The following ILRUN variants were observed in gnomAD, a reference collection of about 807,000 sequenced individuals.
ILRUN encodes the protein protein ILRUN.
In ILRUN, 3 loss-of-function variants were observed where a neutral mutation model predicts 33.8. The ratio of observed to expected loss-of-function variants is 0.09; its 90% CI spans 0.04 to 0.23. The LOEUF (loss-of-function observed/expected upper bound fraction) is 0.23. ILRUN is among the 10% of genes least tolerant of loss of function. The pLI, the probability that ILRUN is intolerant of heterozygous loss-of-function variation, is 1.00. For synonymous variants in ILRUN, 124 were observed against 138.9 expected, an observed-to-expected ratio of 0.89 and a Z score of 0.75; for missense variants, 210 against 375.1, an observed-to-expected ratio of 0.56 and a Z score of 3.64.
chr6:34,651,984 G>T (rs778070571), intron 2 of ILRUN, among the ~76,000 whole-genome samples: 8 of 151,794 alleles, frequency 5.3e-5, no homozygotes, highest in Non-Finnish European at 1.2e-4. Context: ...AGTAGACGGG[G>T]TTTTGCCATG....
At chr6:34,614,154 G>A (rs1761818659) in intron 3 of ILRUN, among the ~76,000 whole-genome samples, 1 of 152,070 alleles carries the variant, frequency 6.6e-6, no homozygotes, top group Non-Finnish European at 1.5e-5. Context: ...TGGGTGCGGT[G>A]GCTCACGCCT....
chr6:34,591,451 C>T lies in ILRUN; in HGVS notation c.862-851G>A, dbSNP rs138481820. 7.4e-3 allele frequency among the ~76,000 whole-genome samples: 1,125 copies of T among 152,142 alleles called. 20 individuals carry two copies. The highest frequency in any genetic ancestry group is 0.026 in the African/African-American group (1,059 of 41,500). ...TCGAAGCTGCAATAAGTCCTGATTACGCCACTGCACCACTCCAGGCTGGGC... is the reference window on the plus strand; with the variant it reads ...TCGAAGCTGCAATAAGTCCTGATTATGCCACTGCACCACTCCAGGCTGGGC... On this transcript the variant is annotated intron_variant, in intron 4 of 4. Transcript: ENST00000374023.
chr6:34,690,578 T>C (rs1763625540), intron 1 of ILRUN, among the ~76,000 whole-genome samples: 1 of 152,014 alleles, frequency 6.6e-6, no homozygotes, highest in South Asian at 2.1e-4. Flanking sequence ...TGAATCTTGG[T>C]TTCCCATCAA....
chr6:34,693,332 A>C (rs1258346317), intron 1 of ILRUN, among the ~76,000 whole-genome samples: 1 of 152,212 alleles, frequency 6.6e-6, no homozygotes, highest in Non-Finnish European at 1.5e-5. Context: ...ACTGACTTCC[A>C]ACTTCTCAAT....
At chr6:34,595,892 G>A in intron 4 of ILRUN, 1 of 985,404 alleles carries the variant, frequency 1.0e-6, no homozygotes, top group Non-Finnish European at 1.2e-6. Context: ...CATTTCCTGG[G>A]TCAGTCCTGG....
At chr6:34,688,402 CAAAAA>C (rs10573054) in intron 1 of ILRUN, among the ~76,000 whole-genome samples, 3 of 94,116 alleles carry the variant, frequency 3.2e-5, no homozygotes, top group Non-Finnish European at 4.9e-5. Context: ...GACCCTGTCT[CAAAAA>C]AAAAAAAAAA....
At chr6:34,683,618 A>G (rs1181751079) in intron 1 of ILRUN, among the ~76,000 whole-genome samples, 3 of 150,882 alleles carry the variant, frequency 2.0e-5, no homozygotes, top group Non-Finnish European at 2.9e-5. Flanking sequence ...AGCAGTGGCT[A>G]TATCTGGAAA....
chr6:34,678,309 G>A (rs1169057122), intron 1 of ILRUN, among the ~76,000 whole-genome samples: 3 of 152,100 alleles, frequency 2.0e-5, no homozygotes, highest in African/African-American at 7.2e-5. Flanking sequence ...CCAAAGTGCT[G>A]GGATATCAGG....
intron 3 of ILRUN, among the ~76,000 whole-genome samples, chr6:34,637,873 T>C (rs533177518): frequency 6.1e-4 from 88 of 144,394 alleles, no homozygotes; most frequent in Admixed American, 1.8e-3. Context: ...GCTGTTGTTG[T>C]TGTTGTTGTT....
At chr6:34,688,203 TA>T (rs1763568067) in intron 1 of ILRUN, among the ~76,000 whole-genome samples, 1 of 151,440 alleles carries the variant, frequency 6.6e-6, no homozygotes. Flanking sequence ...CCAGGAGTTC[TA>T]AACAAGCCTG....
rs1371507025 is a variant in ILRUN, at chr6:34,593,495, G to A, written c.862-2895C>T. On this transcript the variant is annotated intron_variant, in intron 4 of 4. Coordinates refer to ENST00000374023, the MANE Select transcript of ILRUN (RefSeq NM_024294.4). ...GGAAGAAACAGGAATAAAGACGTGT[G>A]CATTTTCAGATTTCCTTTGAGTGCC... Among the ~76,000 whole-genome samples the A allele has an allele frequency of 1.4e-4, 21 of 152,200 alleles. 1 individual carries two copies. Among genetic ancestry groups the A allele is most frequent in the Non-Finnish European group, 2.9e-5 (2 of 68,042 alleles).
At chr6:34,682,421 C>A (rs1763387077) in intron 1 of ILRUN, among the ~76,000 whole-genome samples, 1 of 151,884 alleles carries the variant, frequency 6.6e-6, no homozygotes, top group African/African-American at 2.4e-5. Context: ...CCAGGCCCAG[C>A]TAATTTTTTT....
At chr6:34,679,317 G>T in intron 1 of ILRUN, among the ~76,000 whole-genome samples, 1 of 152,108 alleles carries the variant, frequency 6.6e-6, no homozygotes, top group Non-Finnish European at 1.5e-5. Flanking sequence ...TTTATGAGGT[G>T]TAAGACAATT....
chr6:34,649,944 G>A (rs1262162320), intron 2 of ILRUN, among the ~76,000 whole-genome samples: 1 of 151,224 alleles, frequency 6.6e-6, no homozygotes, highest in East Asian at 2.0e-4. Context: ...AAAAATGGGG[G>A]AAATAATTGT....
At chr6:34,595,582 A>G (rs1428491697) in intron 4 of ILRUN, 3 of 193,082 alleles carry the variant, frequency 1.6e-5, no homozygotes, top group Non-Finnish European at 2.8e-5. Flanking sequence ...GTTTTTTAAC[A>G]TTCCAGGAAA....
intron 4 of ILRUN, among the ~76,000 whole-genome samples, chr6:34,599,555 A>G (rs1245630433): frequency 6.6e-6 from 1 of 151,348 alleles, no homozygotes; most frequent in East Asian, 1.9e-4. Flanking sequence ...TGCCTTGTTT[A>G]AAAAAAAAGA....
intron 2 of ILRUN, among the ~76,000 whole-genome samples, chr6:34,650,880 C>G (rs947053181): frequency 6.6e-6 from 1 of 152,170 alleles, no homozygotes; most frequent in Non-Finnish European, 1.5e-5. Context: ...TAAAACATGA[C>G]AAGACAGAAG....
chr6:34,603,492 G>A (rs1272456891), intron 4 of ILRUN, among the ~76,000 whole-genome samples: 3 of 152,134 alleles, frequency 2.0e-5, no homozygotes, highest in Admixed American at 1.3e-4. Context: ...AAAATTGGCC[G>A]GGCGTAGTGG....
At chr6:34,642,915 C>T (rs1313827819) in intron 3 of ILRUN, among the ~76,000 whole-genome samples, 5 of 149,052 alleles carry the variant, frequency 3.4e-5, no homozygotes, top group Non-Finnish European at 4.4e-5. Context: ...ATCACTTGAG[C>T]CAAGGACTTT....
Sources: allele counts gnomAD v4.1 joint callset (sites outside exome capture counted in the v4.1 genomes callset), GRCh38; gene constraint gnomAD v4.1.1; transcripts MANE v1.5; gene names NCBI Gene and HGNC (gene_info 2026-07-23, HGNC 2026-07-21).